ZNF385D: variants seen among roughly 807,000 people sequenced by gnomAD.
ZNF385D encodes the protein zinc finger protein 659.
A neutral mutation model predicts 35.8 loss-of-function variants in ZNF385D; 15 were observed. That is an observed-to-expected ratio of 0.42 (90% CI 0.28 to 0.64). The LOEUF is 0.64. ZNF385D is among the 30% of genes least tolerant of loss of function. The probability of loss-of-function intolerance (pLI) is 0.23; values close to 1 mark genes in which losing one functional copy is unlikely to be tolerated. For missense variants in ZNF385D, 474 were observed against 494.6 expected, an observed-to-expected ratio of 0.96 and a Z score of 0.39; for synonymous variants, 212 against 186.8, an observed-to-expected ratio of 1.13 and a Z score of -1.10.
chr3:22,263,371 A>G (rs1037114800), intron 2 of ZNF385D, among the ~76,000 whole-genome samples: 1 of 151,996 alleles, frequency 6.6e-6, no homozygotes, highest in Non-Finnish European at 1.5e-5. Context: ...CAAGATCTTC[A>G]CAAAACTTTC....
chr3:21,412,391 T>C lies in ZNF385D; in HGVS notation c.*8823A>G, dbSNP rs951158562. ...AGGAGTATATTACAAACAAGTGGAA[T>C]AGAACATAGAGAATACATAATTTGT... is the stretch of plus-strand genomic sequence containing the variant. On this transcript the variant is annotated 3_prime_UTR_variant, in exon 8 of 8. Coordinates refer to ENST00000281523, the MANE Select transcript of ZNF385D (RefSeq NM_024697.3). 1 of 151,676 alleles carries C rather than the reference T, an allele frequency of 6.6e-6. No homozygotes were observed. Among genetic ancestry groups the C allele is most frequent in the Non-Finnish European group, 1.5e-5 (1 of 67,904 alleles). 9.4% of individuals were successfully genotyped at this position (151,676 alleles called of 1,614,324 possible).
At chr3:21,548,037 C>T (rs2062439216) in intron 3 of ZNF385D, among the ~76,000 whole-genome samples, 1 of 152,116 alleles carries the variant, frequency 6.6e-6, no homozygotes, top group South Asian at 2.1e-4. Context: ...CCTGGCCCCT[C>T]CTCTTCCCGT....
At chr3:21,473,479 G>A (rs1160907664) in intron 4 of ZNF385D, among the ~76,000 whole-genome samples, 5 of 152,090 alleles carry the variant, frequency 3.3e-5, no homozygotes, top group African/African-American at 4.8e-5. Flanking sequence ...AATGTTTTAT[G>A]TGTGGTTGTT....
chr3:22,222,463 AGGAAAT>A (rs1462411402), intron 2 of ZNF385D, among the ~76,000 whole-genome samples: 1 of 152,220 alleles, frequency 6.6e-6, no homozygotes, highest in Non-Finnish European at 1.5e-5. Flanking sequence ...AGGCCCTCAA[AGGAAAT>A]GGTCATTTCT....
At chr3:22,292,797 A>C (rs1387025108) in intron 2 of ZNF385D, among the ~76,000 whole-genome samples, 1 of 152,064 alleles carries the variant, frequency 6.6e-6, no homozygotes, top group Non-Finnish European at 1.5e-5. Flanking sequence ...CTTCTTATCT[A>C]CTTATATTAC....
intron 2 of ZNF385D, among the ~76,000 whole-genome samples, chr3:22,237,438 A>G (rs951415520): frequency 2.6e-5 from 4 of 151,948 alleles, no homozygotes; most frequent in African/African-American, 9.7e-5. Context: ...ATTTGCAAAT[A>G]TTTTCTCCCA....
intron 2 of ZNF385D, among the ~76,000 whole-genome samples, chr3:21,616,244 T>A (rs951469745): frequency 6.6e-6 from 1 of 152,164 alleles, no homozygotes; most frequent in African/African-American, 2.4e-5. Context: ...ACACACAATA[T>A]CAGGCGATTT....
At chr3:21,720,248 C>T (rs376384234) in intron 1 of ZNF385D, among the ~76,000 whole-genome samples, 1 of 152,190 alleles carries the variant, frequency 6.6e-6, no homozygotes, top group East Asian at 1.9e-4. Context: ...GCATCGTCAT[C>T]ATCGGGAAAC....
intron 3 of ZNF385D, among the ~76,000 whole-genome samples, chr3:21,784,893 T>A (rs9828155): frequency 1.3e-5 from 2 of 152,012 alleles, no homozygotes; most frequent in South Asian, 4.1e-4. Flanking sequence ...ATCTTTAATT[T>A]ATCATGGACT....
intron 4 of ZNF385D, among the ~76,000 whole-genome samples, chr3:21,442,024 T>C (rs1701885943): frequency 6.6e-6 from 1 of 152,190 alleles, no homozygotes; most frequent in Non-Finnish European, 1.5e-5. Context: ...CGTTGTGGAA[T>C]GGGGCTTCAG....
At chr3:22,088,495 G>A (rs778371322) in intron 3 of ZNF385D, among the ~76,000 whole-genome samples, 3 of 152,086 alleles carry the variant, frequency 2.0e-5, no homozygotes, top group Non-Finnish European at 4.4e-5. Flanking sequence ...TGAATCTGAG[G>A]CCAGACTCCC....
At chr3:22,359,772 T>C (rs764885131) in intron 2 of ZNF385D, among the ~76,000 whole-genome samples, 7 of 151,938 alleles carry the variant, frequency 4.6e-5, no homozygotes, top group Non-Finnish European at 1.0e-4. Flanking sequence ...ATACAGATAG[T>C]ATATGTCTCA....
At chr3:21,717,086 T>C (rs1361157913) in intron 1 of ZNF385D, among the ~76,000 whole-genome samples, 4 of 152,142 alleles carry the variant, frequency 2.6e-5, no homozygotes, top group Admixed American at 2.6e-4. Flanking sequence ...AGAGCCAAGA[T>C]TGCGCCACTG....
At chr3:21,744,067 G>C (rs917585996) in intron 1 of ZNF385D, among the ~76,000 whole-genome samples, 5 of 152,138 alleles carry the variant, frequency 3.3e-5, no homozygotes, top group Non-Finnish European at 7.3e-5. Context: ...AAAGAGCACT[G>C]AAGTAAGTCT....
At chr3:21,600,542 A>G (rs1404648591) in intron 2 of ZNF385D, among the ~76,000 whole-genome samples, 1 of 152,306 alleles carries the variant, frequency 6.6e-6, no homozygotes, top group Non-Finnish European at 1.5e-5. Context: ...ATCACTCCAT[A>G]TTGCTGATTC....
chr3:22,126,483 A>G (rs570420244), intron 3 of ZNF385D, among the ~76,000 whole-genome samples: 43 of 152,032 alleles, frequency 2.8e-4, no homozygotes, highest in Middle Eastern at 6.9e-3. Flanking sequence ...TTCCATGTGT[A>G]CACTTTTCAA....
At chr3:21,699,855 A>G (rs557033055) in intron 1 of ZNF385D, among the ~76,000 whole-genome samples, 23 of 134,594 alleles carry the variant, frequency 1.7e-4, no homozygotes, top group South Asian at 1.7e-3. Flanking sequence ...TTTTGAGACA[A>G]GAGTCTTGCT....
chr3:21,981,932 T>A (rs1235964314), intron 3 of ZNF385D, among the ~76,000 whole-genome samples: 1 of 152,186 alleles, frequency 6.6e-6, no homozygotes, highest in East Asian at 1.9e-4. Context: ...ATGCCTGTTT[T>A]TGTACTAGTA....
At chr3:21,430,773 A>G (rs1279681310) in intron 5 of ZNF385D, among the ~76,000 whole-genome samples, 2 of 152,208 alleles carry the variant, frequency 1.3e-5, no homozygotes, top group Admixed American at 6.5e-5. Flanking sequence ...AAAATACCAC[A>G]TTGCTTTTAT....
Sources: gnomAD v4.1 joint callset for allele counts (sites outside exome capture counted in the v4.1 genomes callset) on GRCh38, gnomAD v4.1.1 for gene constraint, MANE v1.5 for transcripts, NCBI Gene and HGNC (gene_info 2026-07-23, HGNC 2026-07-21) for gene names.